Variants in SV2C observed in about 807,000 individuals in gnomAD.
SV2C encodes synaptic vesicle glycoprotein 2C.
SV2C carries 49 observed loss-of-function variants against 79.7 expected under a neutral mutation model. The ratio of observed to expected loss-of-function variants is 0.61; its 90% CI spans 0.49 to 0.78. SV2C has a LOEUF of 0.78. Ranked by LOEUF, SV2C falls within the 30% of genes least tolerant of loss-of-function variation. SV2C has a pLI of 0.00. For synonymous variants in SV2C, 334 were observed against 333.2 expected, an observed-to-expected ratio of 1.00 and a Z score of -0.03; for missense variants, 833 against 912.9, an observed-to-expected ratio of 0.91 and a Z score of 1.13.
At chr5:76,308,004 T>C (rs977528844) in intron 12 of SV2C, among the ~76,000 whole-genome samples, 1 of 152,236 alleles carries the variant, frequency 6.6e-6, no homozygotes, top group Non-Finnish European at 1.5e-5. Context: ...AATTCTAACA[T>C]CTCTGTCATA....
chr5:76,153,771 C>A (rs1321254303), intron 2 of SV2C, among the ~76,000 whole-genome samples: 1 of 152,130 alleles, frequency 6.6e-6, no homozygotes, highest in African/African-American at 2.4e-5. Context: ...GTTAGATATT[C>A]CCATTAGGTT....
At position 76,285,775 on chromosome 5, in the gene SV2C, T is replaced by C. The variant is rs745834588; in HGVS notation, c.1048-6T>C. 6.2e-7 allele frequency: 1 copy of C among 1,613,356 alleles called. No individual in the cohort carries two copies. Among genetic ancestry groups the C allele is most frequent in the Non-Finnish European group, 8.5e-7 (1 of 1,179,678 alleles). ...TAGCGCTTCACTGTCCACTCTCATT[T>C]CTTAGGTTGGAAAACATGATGAAGC... On this transcript the variant is annotated splice_polypyrimidine_tract_variant and splice_region_variant and intron_variant, in intron 5 of 12. Transcript: ENST00000502798.
At chr5:75,873,439 T>C in the SV2C span, among the ~76,000 whole-genome samples, 18,931 of 152,164 alleles carry the variant, frequency 0.12, 1,387 homozygotes, top group African/African-American at 0.22. Context: ...TTTAATTCTA[T>C]AGATTTACAG....
chr5:76,278,145 G>A (rs1252617545), intron 4 of SV2C, among the ~76,000 whole-genome samples: 2 of 152,150 alleles, frequency 1.3e-5, no homozygotes, highest in Non-Finnish European at 2.9e-5. Context: ...AACCTGCAGT[G>A]ATTTTGCCCA....
the SV2C span, among the ~76,000 whole-genome samples, chr5:75,857,191 T>C: frequency 6.6e-6 from 1 of 152,028 alleles, no homozygotes; most frequent in African/African-American, 2.4e-5. Context: ...TCTCCTGACA[T>C]TGTGATCCGC....
the SV2C span, among the ~76,000 whole-genome samples, chr5:76,004,291 A>G: frequency 3.9e-5 from 6 of 152,092 alleles, no homozygotes; most frequent in African/African-American, 1.4e-4. Flanking sequence ...CAAACAGTAC[A>G]TTTCTTATCT....
downstream of SV2C, among the ~76,000 whole-genome samples, chr5:76,336,292 C>T (rs1383060450): frequency 2.1e-5 from 3 of 145,450 alleles, no homozygotes; most frequent in Non-Finnish European, 3.0e-5. Flanking sequence ...ACCTCTCAGA[C>T]GGGGCGGCCG....
At chr5:76,343,613 G>T (rs1476772935) in intron 12 of SV2C, among the ~76,000 whole-genome samples, 1 of 152,166 alleles carries the variant, frequency 6.6e-6, no homozygotes, top group African/African-American at 2.4e-5. Flanking sequence ...TGCTGAGGAG[G>T]GGGGCAAATT....
At chr5:76,239,426 T>C (rs931232007) in intron 4 of SV2C, among the ~76,000 whole-genome samples, 2 of 152,292 alleles carry the variant, frequency 1.3e-5, no homozygotes, top group Non-Finnish European at 1.5e-5. Context: ...ACAATAACCA[T>C]TTATTATTTC....
At chr5:76,205,142 G>A (rs1744572218) in intron 3 of SV2C, among the ~76,000 whole-genome samples, 1 of 149,334 alleles carries the variant, frequency 6.7e-6, no homozygotes, top group Non-Finnish European at 1.5e-5. Flanking sequence ...CTATTGAGGT[G>A]TTGTGCGTGT....
intron 2 of SV2C, among the ~76,000 whole-genome samples, chr5:76,150,794 C>T (rs141112444): frequency 7.3e-4 from 111 of 151,884 alleles, no homozygotes; most frequent in African/African-American, 2.5e-3. Flanking sequence ...TGCACTAACA[C>T]GCTTGGCTAA....
chr5:75,935,731 T>C, the SV2C span, among the ~76,000 whole-genome samples: 1,177 of 152,300 alleles, frequency 7.7e-3, 4 homozygotes, highest in East Asian at 0.035. Flanking sequence ...TTCATATATG[T>C]AGAGGCATGC....
At chr5:76,227,166 CAGATA>C (rs68149960) in intron 4 of SV2C, among the ~76,000 whole-genome samples, 80,647 of 151,504 alleles carry the variant, frequency 0.53, 21,788 homozygotes, top group Admixed American at 0.59. Context: ...TCTCATGATG[CAGATA>C]AGATAAAAGC....
the SV2C span, among the ~76,000 whole-genome samples, chr5:75,858,576 T>C: frequency 2.2e-3 from 336 of 152,306 alleles, 1 homozygote; most frequent in Admixed American, 3.5e-3. Flanking sequence ...TTTTTTCTTA[T>C]GTGTCTTTGG....
intron 9 of SV2C, among the ~76,000 whole-genome samples, chr5:76,296,955 C>T (rs1747791817): frequency 1.3e-5 from 2 of 151,938 alleles, no homozygotes; most frequent in East Asian, 3.9e-4. Flanking sequence ...CTCTGTGATG[C>T]CAGGGTGAAA....
At chr5:75,974,291 T>G in the SV2C span, among the ~76,000 whole-genome samples, 1 of 152,110 alleles carries the variant, frequency 6.6e-6, no homozygotes, top group East Asian at 1.9e-4. Flanking sequence ...GCAAATGATT[T>G]GCTTTCAGAA....
chr5:76,336,641 G>C (rs747997923), downstream of SV2C, among the ~76,000 whole-genome samples: 1 of 151,988 alleles, frequency 6.6e-6, no homozygotes, highest in Non-Finnish European at 1.5e-5. Context: ...CCGCAATCCC[G>C]GCACCACTGG....
Position 76,331,672 on chromosome 5 carries a change from GTTTT to G in SV2C, c.*6130_*6133del, listed in dbSNP as rs1028581522. On this transcript the variant is annotated 3_prime_UTR_variant, in exon 13 of 13. Coordinates refer to ENST00000502798, the MANE Select transcript of SV2C (RefSeq NM_014979.4). ...CACTCATTTCCTTTATTTCCCTTTT[GTTTT>G]TTTTCTTTTCCTCCTCTGGTCGACA... The G allele has an allele frequency of 6.6e-6, 1 of 151,814 alleles. No individual in the cohort carries two copies. Among genetic ancestry groups the G allele is most frequent in the African/African-American group, 2.4e-5 (1 of 41,270 alleles). 9.4% of individuals were successfully genotyped at this position (151,814 alleles called of 1,614,324 possible).
intron 4 of SV2C, among the ~76,000 whole-genome samples, chr5:76,274,035 T>G (rs755378899): frequency 6.6e-6 from 1 of 152,268 alleles, no homozygotes; most frequent in Non-Finnish European, 1.5e-5. Flanking sequence ...CACTTTCGCC[T>G]TGGTATCCAT....
Sources: gnomAD v4.1 joint callset for allele counts (sites outside exome capture counted in the v4.1 genomes callset) on GRCh38, gnomAD v4.1.1 for gene constraint, MANE v1.5 for transcripts, NCBI Gene and HGNC (gene_info 2026-07-23, HGNC 2026-07-21) for gene names.